Variants in ZFHX3 observed in about 807,000 individuals in gnomAD.
ZFHX3 encodes the protein zinc finger homeobox 3, also known as zinc finger homeobox protein 3.
A neutral mutation model predicts 279.1 loss-of-function variants in ZFHX3; 42 were observed. That is an observed-to-expected ratio of 0.15 (90% CI 0.12 to 0.19). The LOEUF (loss-of-function observed/expected upper bound fraction) is 0.19. Ranked by LOEUF, ZFHX3 falls within the 10% of genes least tolerant of loss-of-function variation. The pLI is 1.00. For synonymous variants in ZFHX3, 2,293 were observed against 1,957.8 expected (o/e 1.17, Z -4.52); for missense variants, 4,981 against 4,754.0 (o/e 1.05, Z -1.40).
intron 1 of ZFHX3, among the ~76,000 whole-genome samples, chr16:73,714,560 T>C (rs1204062016): frequency 6.6e-6 from 1 of 152,206 alleles, no homozygotes; most frequent in Non-Finnish European, 1.5e-5. Flanking sequence ...CTCCCGATTC[T>C]CTTCCTGCCT....
At chr16:72,864,693 C>T (rs1156766122) in intron 4 of ZFHX3, among the ~76,000 whole-genome samples, 3 of 152,202 alleles carry the variant, frequency 2.0e-5, no homozygotes, top group Admixed American at 6.5e-5. Flanking sequence ...CCCATGTTAT[C>T]GATCAGTTGA....
At chr16:73,785,380 C>T (rs192662821) in intron 1 of ZFHX3, among the ~76,000 whole-genome samples, 4 of 152,280 alleles carry the variant, frequency 2.6e-5, no homozygotes, top group East Asian at 3.9e-4. Context: ...AATTTAAATA[C>T]ATCAGACAAT....
chr16:73,105,446 T>C (rs868390738), intron 7 of ZFHX3, among the ~76,000 whole-genome samples: 17 of 98,110 alleles, frequency 1.7e-4, no homozygotes, highest in East Asian at 1.0e-3. Context: ...CACACACACA[T>C]ATATATATAT....
intron 1 of ZFHX3, among the ~76,000 whole-genome samples, chr16:73,772,067 C>A (rs939851454): frequency 6.6e-6 from 1 of 152,162 alleles, no homozygotes; most frequent in Non-Finnish European, 1.5e-5. Context: ...TGAGCCACAG[C>A]TAACTTTCCA....
intron 1 of ZFHX3, among the ~76,000 whole-genome samples, chr16:73,844,964 A>C (rs1032515670): frequency 1.3e-5 from 2 of 152,066 alleles, no homozygotes. Flanking sequence ...TGCTGCTCTA[A>C]TGGGCAATAG....
chr16:73,877,038 C>CAAA (rs1312286788), intron 1 of ZFHX3, among the ~76,000 whole-genome samples: 1 of 124,058 alleles, frequency 8.1e-6, no homozygotes, highest in African/African-American at 2.9e-5. Context: ...TGATGACTTT[C>CAAA]AAAAAAAAAA....
chr16:73,306,791 G>T (rs986909166), intron 4 of ZFHX3, among the ~76,000 whole-genome samples: 1 of 152,244 alleles, frequency 6.6e-6, no homozygotes, highest in Non-Finnish European at 1.5e-5. Context: ...GATGGTTTAT[G>T]CAGAATGTTG....
intron 4 of ZFHX3, among the ~76,000 whole-genome samples, chr16:73,298,223 T>A (rs1329682323): frequency 2.0e-5 from 3 of 151,386 alleles, no homozygotes; most frequent in Non-Finnish European, 2.9e-5. Context: ...CAGAATTTTT[T>A]TTTTTTTTTT....
intron 1 of ZFHX3, among the ~76,000 whole-genome samples, chr16:73,810,410 T>C (rs1402834515): frequency 6.6e-6 from 1 of 152,246 alleles, no homozygotes; most frequent in Non-Finnish European, 1.5e-5. Context: ...TCTTTAATTA[T>C]TTGGTTATTA....
intron 1 of ZFHX3, among the ~76,000 whole-genome samples, chr16:73,712,137 C>T (rs980434858): frequency 6.6e-6 from 1 of 152,092 alleles, no homozygotes; most frequent in Admixed American, 6.5e-5. Context: ...AGAAAACCCC[C>T]GGTTCATCAT....
intron 1 of ZFHX3, among the ~76,000 whole-genome samples, chr16:73,841,287 G>C (rs781553589): frequency 6.6e-6 from 1 of 152,068 alleles, no homozygotes; most frequent in Non-Finnish European, 1.5e-5. Context: ...AGTATTTACT[G>C]GTTGCTGGGT....
At chr16:73,697,347 T>C (rs1317096005) in intron 1 of ZFHX3, among the ~76,000 whole-genome samples, 3 of 152,176 alleles carry the variant, frequency 2.0e-5, no homozygotes, top group Non-Finnish European at 4.4e-5. Flanking sequence ...TTGTCATAAA[T>C]TCAGGTATAA....
In ZFHX3 at chr16:72,787,488, G is replaced by C. The variant is rs753168554; in HGVS notation, c.10788C>G (p.Ser3596Arg). The C allele has an allele frequency of 3.1e-6, 5 of 1,611,880 alleles. No individual in the cohort carries two copies. The highest frequency in any genetic ancestry group is 4.2e-6 in the Non-Finnish European group (5 of 1,178,818). The change falls in exon 10 of 10, where the codon AGC (serine) becomes AGG (arginine). Residue 3596 changes from serine (S) to arginine (R), a missense_variant. Ser to Arg is a moderately radical substitution (Grantham distance 110). Transcript: ENST00000268489. The part of the protein sequence containing the change: ...TSQSAAHSND[S>R]PPPPSAAAPS... The stretch of plus-strand genomic sequence containing the variant: ...GGGCGGCGGCCGACGGGGGAGGGGG[G>C]CTGTCGTTTGAGTGAGCGGCAGACT...
chr16:72,951,012 C>T, intron 2 of ZFHX3, 47 bp from the exon 3 acceptor site: 1 of 1,581,282 alleles, frequency 6.3e-7, no homozygotes, highest in South Asian at 1.2e-5. Flanking sequence ...GGCTCATGGT[C>T]ACGGCCACAG....
chr16:73,689,019 TCAGCAGCGTGAAAACAGA>T (rs2053120358), intron 1 of ZFHX3, among the ~76,000 whole-genome samples: 1 of 152,148 alleles, frequency 6.6e-6, no homozygotes, highest in Non-Finnish European at 1.5e-5. Flanking sequence ...TATGTCTTTA[TCAGCAGCGTGAAAACAGA>T]CTAATACAAG....
intron 3 of ZFHX3, among the ~76,000 whole-genome samples, chr16:73,350,471 G>C (rs372444022): frequency 3.3e-5 from 5 of 152,174 alleles, no homozygotes; most frequent in Non-Finnish European, 7.3e-5. Context: ...CCGGCCATAC[G>C]TCTTTCCTGG....
chr16:73,406,039 A>T (rs1337366476), intron 3 of ZFHX3, among the ~76,000 whole-genome samples: 8 of 152,246 alleles, frequency 5.3e-5, no homozygotes, highest in African/African-American at 1.9e-4. Context: ...CGCCGGGTAG[A>T]GGGAACACAC....
At chr16:73,705,245 G>A (rs1485983737) in intron 1 of ZFHX3, among the ~76,000 whole-genome samples, 1 of 152,148 alleles carries the variant, frequency 6.6e-6, no homozygotes, top group Non-Finnish European at 1.5e-5. Context: ...TCCTGAAAAT[G>A]TAGCAATCAG....
Position 73,351,017 on chromosome 16 carries a change from C to T in ZFHX3, c.-1290-32681G>A, listed in dbSNP as rs555025159. Among the ~76,000 whole-genome samples, 6 of 152,238 alleles carry T rather than the reference C, an allele frequency of 3.9e-5. No individual in the cohort carries two copies. In the South Asian group the frequency reaches 1.2e-3, roughly 32 times the overall value. On this transcript the variant is annotated intron_variant, in intron 3 of 17. Coordinates refer to the ZFHX3 transcript ENST00000641206. ...GAGGTGTCAGCATCCGATGACCTTC[C>T]CCGCATAAGAAAGGGAAGTGACACT...
Sources: allele counts gnomAD v4.1 joint callset (sites outside exome capture counted in the v4.1 genomes callset), GRCh38; gene constraint gnomAD v4.1.1; transcripts MANE v1.5; gene names NCBI Gene and HGNC (gene_info 2026-07-23, HGNC 2026-07-21).